Variants in CCDC178 observed in about 807,000 individuals in gnomAD.
The protein encoded by CCDC178 is coiled-coil domain containing 178.
In CCDC178, 126 loss-of-function variants were observed where a neutral mutation model predicts 117.4. The ratio of observed to expected loss-of-function variants is 1.07; its 90% confidence interval spans 0.93 to 1.24. CCDC178 has a LOEUF of 1.24. CCDC178 is among the 50% of genes most tolerant of loss of function. The probability of loss-of-function intolerance (pLI) is 0.00; values close to 1 mark genes in which losing one functional copy is unlikely to be tolerated. For synonymous variants in CCDC178, 283 were observed against 313.4 expected, an observed-to-expected ratio of 0.90 and a Z score of 1.02; for missense variants, 1,030 against 986.9, an observed-to-expected ratio of 1.04 and a Z score of -0.59.
At chr18:32,989,419 G>A (rs2055341270) in intron 21 of CCDC178, among the ~76,000 whole-genome samples, 1 of 152,126 alleles carries the variant, frequency 6.6e-6, no homozygotes. Context: ...ACTCATTTAT[G>A]TGATAATAAC....
chr18:33,233,777 G>A (rs1189012637), intron 15 of CCDC178, among the ~76,000 whole-genome samples: 1 of 151,998 alleles, frequency 6.6e-6, no homozygotes, highest in African/African-American at 2.4e-5. Context: ...GAGAAACCTA[G>A]ACTAAGAAAA....
At chr18:33,404,970 G>C (rs750341609) in intron 3 of CCDC178, among the ~76,000 whole-genome samples, 1 of 151,970 alleles carries the variant, frequency 6.6e-6, no homozygotes, top group Non-Finnish European at 1.5e-5. Flanking sequence ...GGAGGAATGG[G>C]GAAAGAATGC....
chr18:33,306,358 G>A (rs1009868344), intron 11 of CCDC178, among the ~76,000 whole-genome samples: 3 of 151,150 alleles, frequency 2.0e-5, no homozygotes, highest in South Asian at 2.1e-4. Context: ...ATAAAATGGT[G>A]AGTTTGTGTT....
chr18:33,036,559 A>C (rs1399508964), intron 21 of CCDC178, among the ~76,000 whole-genome samples: 1 of 151,910 alleles, frequency 6.6e-6, no homozygotes, highest in Non-Finnish European at 1.5e-5. Context: ...GGAGTATAGA[A>C]ATCTGACTGA....
intron 2 of CCDC178, among the ~76,000 whole-genome samples, chr18:33,423,851 T>TA (rs1425599121): frequency 6.6e-6 from 1 of 152,180 alleles, no homozygotes; most frequent in Admixed American, 6.5e-5. Flanking sequence ...CAAACACCCA[T>TA]AAAAATTAAA....
intron 11 of CCDC178, among the ~76,000 whole-genome samples, chr18:33,311,398 TA>T (rs2062340159): frequency 7.0e-6 from 1 of 141,870 alleles, no homozygotes; most frequent in Admixed American, 7.5e-5. Context: ...AGGAGGAACA[TA>T]AAAAAGACAG....
chr18:33,141,473 C>G (rs1385773608), intron 20 of CCDC178, among the ~76,000 whole-genome samples: 1 of 152,130 alleles, frequency 6.6e-6, no homozygotes, highest in Admixed American at 6.5e-5. Flanking sequence ...TTGGAAAAGA[C>G]AAAACCAAAA....
At chr18:33,154,725 G>A (rs1282557786) in intron 20 of CCDC178, among the ~76,000 whole-genome samples, 2 of 152,112 alleles carry the variant, frequency 1.3e-5, no homozygotes. Flanking sequence ...CCATGCAGAT[G>A]TCAGTGTAAA....
intron 21 of CCDC178, among the ~76,000 whole-genome samples, chr18:33,069,355 A>G (rs271511): frequency 0.14 from 21,617 of 152,098 alleles, 2,382 homozygotes; most frequent in African/African-American, 0.31. Flanking sequence ...AGCAGAATAG[A>G]AAAACCAGGA....
intron 21 of CCDC178, among the ~76,000 whole-genome samples, chr18:33,057,407 A>G (rs1204600331): frequency 6.6e-6 from 1 of 152,244 alleles, no homozygotes; most frequent in Non-Finnish European, 1.5e-5. Flanking sequence ...AAGTCTAGAA[A>G]GATCCTTAAG....
rs752739528 is a variant in CCDC178 at position 33,346,301 on chromosome 18, G to A, written c.568C>T (p.Gln190Ter). ...ATCATATTCTTTCTTGATCTCTGTT[G>A]TTTTAAAGCTTCTTCAGCGTCTGCC... ...DRADAEEALK[Q>*]QRSRKNMINM... The change falls in exon 9 of 23, where the codon CAA (glutamine) becomes TAA (stop). Residue 190 changes from glutamine to a stop codon, truncating the protein, a stop_gained. Coordinates refer to ENST00000383096, the MANE Select transcript of CCDC178 (RefSeq NM_001105528.4). LOFTEE classifies it high-confidence loss of function. The A allele has an allele frequency of 6.2e-7, 1 of 1,613,668 alleles. No homozygotes were observed. The highest frequency in any genetic ancestry group is 1.1e-5 in the South Asian group (1 of 91,052).
intron 2 of CCDC178, among the ~76,000 whole-genome samples, chr18:33,426,620 T>C (rs2064128965): frequency 6.6e-6 from 1 of 152,238 alleles, no homozygotes; most frequent in Admixed American, 6.5e-5. Flanking sequence ...CTTAGGTCTC[T>C]AACTAATATA....
Position 33,003,369 on chromosome 18 carries a change from G to C in CCDC178, c.2389-28688C>G, listed in dbSNP as rs981189277. ...AGTGGGATTTATCCCAGGGATATAA[G>C]GATGGTTCAACATATGCAAATCAAT... On this transcript the variant is annotated intron_variant, in intron 21 of 22. Coordinates refer to ENST00000383096, the MANE Select transcript of CCDC178 (RefSeq NM_001105528.4). 3.9e-5 allele frequency among the ~76,000 whole-genome samples: 6 copies of C among 152,120 alleles called. No individual in the cohort carries two copies. In the East Asian group the frequency reaches 1.2e-3, roughly 29 times the overall value.
chr18:33,329,280 T>C (rs1344186207), intron 10 of CCDC178, among the ~76,000 whole-genome samples: 1 of 152,202 alleles, frequency 6.6e-6, no homozygotes, highest in African/African-American at 2.4e-5. Context: ...GTGCCTTTTA[T>C]TTCTTTTACT....
intron 3 of CCDC178, among the ~76,000 whole-genome samples, chr18:33,399,245 A>C (rs989531050): frequency 1.3e-5 from 2 of 152,066 alleles, no homozygotes; most frequent in Non-Finnish European, 2.9e-5. Flanking sequence ...TCAGCAAGTC[A>C]TAATCTTTTC....
chr18:33,349,816 C>G (rs954276389), intron 7 of CCDC178, among the ~76,000 whole-genome samples: 1 of 151,724 alleles, frequency 6.6e-6, no homozygotes, highest in African/African-American at 2.4e-5. Flanking sequence ...ATTTATTCTT[C>G]AGAGATCAAA....
intron 11 of CCDC178, among the ~76,000 whole-genome samples, chr18:33,302,378 T>C (rs1265530704): frequency 2.6e-5 from 4 of 151,994 alleles, no homozygotes; most frequent in Non-Finnish European, 5.9e-5. Flanking sequence ...TGCAAAAAAA[T>C]AAATAAATAA....
At chr18:33,314,052 T>A (rs901523630) in intron 11 of CCDC178, among the ~76,000 whole-genome samples, 18 of 149,528 alleles carry the variant, frequency 1.2e-4, no homozygotes, top group African/African-American at 4.0e-4. Context: ...TACAAAAAAA[T>A]TAGCCGGGCG....
chr18:33,319,254 G>T (rs532095545), intron 11 of CCDC178, among the ~76,000 whole-genome samples: 18 of 151,544 alleles, frequency 1.2e-4, no homozygotes, highest in African/African-American at 4.4e-4. Context: ...AGGTGTTCTC[G>T]GTGTTCAATT....
Sources: gnomAD v4.1 joint callset for allele counts (sites outside exome capture counted in the v4.1 genomes callset) on GRCh38, gnomAD v4.1.1 for gene constraint, MANE v1.5 for transcripts, NCBI Gene and HGNC (gene_info 2026-07-23, HGNC 2026-07-21) for gene names.